RERE: variants seen among roughly 807,000 people sequenced by gnomAD.
The protein encoded by RERE is arginine-glutamic acid dipeptide repeats.
A neutral mutation model predicts 146.1 loss-of-function variants in RERE; 40 were observed. The observed-to-expected ratio is 0.27, with a 90% CI of 0.21 to 0.36. The LOEUF (loss-of-function observed/expected upper bound fraction) is 0.36, where lower values mean the gene tolerates loss of function less well. Among genes scored for constraint, RERE ranks in the 10% least tolerant of loss-of-function variants. RERE has a pLI of 1.00. For synonymous variants in RERE, 1,003 were observed against 866.0 expected, an observed-to-expected ratio of 1.16 and a Z score of -2.78; for missense variants, 1,933 against 2,138.7, an observed-to-expected ratio of 0.90 and a Z score of 1.90.
Position 8,737,450 on chromosome 1 carries a change from G to A in RERE, c.-145+79710C>T, listed in dbSNP as rs1455389841. Among the ~76,000 whole-genome samples, 3 of 152,178 alleles carry A rather than the reference G, an allele frequency of 2.0e-5. No individual in the cohort carries two copies. In the East Asian group the frequency reaches 5.8e-4, roughly 29 times the overall value. On this transcript the variant is annotated intron_variant, in intron 1 of 22. Transcript: ENST00000400908. ...TAAATCTCCAAAAATGTGAGTTATT[G>A]AGAGAAGAGTCATACAATTTTTAGG...
intron 15 of RERE, 142 bp from the exon 16 acceptor site, chr1:8,362,986 G>A (rs535285270): frequency 9.2e-6 from 8 of 867,020 alleles, no homozygotes; most frequent in South Asian, 5.2e-5. Flanking sequence ...ACAACAGGCC[G>A]CCCTGCCTGT....
At chr1:8,799,062 C>T (rs767513928) in intron 1 of RERE, among the ~76,000 whole-genome samples, 11 of 151,840 alleles carry the variant, frequency 7.2e-5, no homozygotes, top group South Asian at 2.1e-4. Flanking sequence ...TGGCAGACCT[C>T]GGCTCACTGC....
chr1:8,411,535 C>A (rs1465221274), intron 12 of RERE, among the ~76,000 whole-genome samples: 1 of 152,046 alleles, frequency 6.6e-6, no homozygotes, highest in Non-Finnish European at 1.5e-5. Context: ...GCTTCCCACC[C>A]ATCTCCCGTA....
intron 10 of RERE, among the ~76,000 whole-genome samples, chr1:8,472,317 T>A (rs913230972): frequency 6.6e-6 from 1 of 152,154 alleles, no homozygotes; most frequent in Admixed American, 6.5e-5. Flanking sequence ...GTGAAAAACA[T>A]TACGTAGATT....
intron 1 of RERE, among the ~76,000 whole-genome samples, chr1:8,695,768 A>G (rs1639316430): frequency 6.6e-6 from 1 of 152,062 alleles, no homozygotes; most frequent in South Asian, 2.1e-4. Context: ...TCAAAAAAAC[A>G]AAACTGTCAA....
At chr1:8,487,080 G>C (rs1390319597) in intron 10 of RERE, among the ~76,000 whole-genome samples, 6 of 152,116 alleles carry the variant, frequency 3.9e-5, no homozygotes, top group Admixed American at 3.9e-4. Context: ...AGTACGTAGT[G>C]ACCAAGCAGG....
chr1:8,742,826 C>T (rs1485079032), intron 1 of RERE, among the ~76,000 whole-genome samples: 2 of 150,300 alleles, frequency 1.3e-5, no homozygotes, highest in African/African-American at 4.9e-5. Context: ...TGTGATCATG[C>T]CACTACATTC....
intron 10 of RERE, among the ~76,000 whole-genome samples, chr1:8,483,519 A>G: frequency 6.6e-6 from 1 of 152,230 alleles, no homozygotes; most frequent in East Asian, 1.9e-4. Context: ...TCCTTAGAAT[A>G]GGGTTATCTG....
At chr1:8,386,930 C>G (rs1275124418) in intron 12 of RERE, among the ~76,000 whole-genome samples, 1 of 152,172 alleles carries the variant, frequency 6.6e-6, no homozygotes, top group African/African-American at 2.4e-5. Context: ...GGAACGTACT[C>G]AAATGGATTC....
chr1:8,734,915 T>C (rs1220767548), intron 1 of RERE, among the ~76,000 whole-genome samples: 1 of 152,194 alleles, frequency 6.6e-6, no homozygotes, highest in African/African-American at 2.4e-5. Context: ...TTCTCTGATT[T>C]CCCTTTTACT....
chr1:8,635,870 C>T (rs1647092104), intron 2 of RERE, among the ~76,000 whole-genome samples: 4 of 152,184 alleles, frequency 2.6e-5, no homozygotes, highest in Admixed American at 2.6e-4. Context: ...AAAACACTGT[C>T]CTTCCCTTGA....
intron 12 of RERE, among the ~76,000 whole-genome samples, chr1:8,420,858 G>A (rs1254170463): frequency 6.6e-6 from 1 of 152,164 alleles, no homozygotes; most frequent in Non-Finnish European, 1.5e-5. Context: ...CAAAAGGTTG[G>A]TGTACTGAGA....
At chr1:8,661,090 G>A (rs1371579901) in intron 1 of RERE, among the ~76,000 whole-genome samples, 1 of 152,200 alleles carries the variant, frequency 6.6e-6, no homozygotes, top group African/African-American at 2.4e-5. Flanking sequence ...GGGACACAGT[G>A]TTGCAGGACT....
intron 4 of RERE, among the ~76,000 whole-genome samples, chr1:8,574,916 G>T (rs1015076663): frequency 6.6e-6 from 1 of 152,130 alleles, no homozygotes; most frequent in Admixed American, 6.6e-5. Flanking sequence ...ATATATATTA[G>T]ACTTCAATTA....
chr1:8,371,385 C>A (rs1195795667), intron 12 of RERE, among the ~76,000 whole-genome samples: 1 of 152,100 alleles, frequency 6.6e-6, no homozygotes, highest in Admixed American at 6.5e-5. Flanking sequence ...CCATTAGGTT[C>A]CTTTAATTTC....
At chr1:8,556,292 T>A (rs1231143648) in intron 6 of RERE, among the ~76,000 whole-genome samples, 183 bp downstream of exon 6, 1 of 151,126 alleles carries the variant, frequency 6.6e-6, no homozygotes, top group Admixed American at 6.6e-5. Flanking sequence ...AAAGCTAGAT[T>A]AGTGAAGACA....
chr1:8,601,705 C>A (rs1282225569), intron 4 of RERE, among the ~76,000 whole-genome samples: 3 of 125,434 alleles, frequency 2.4e-5, no homozygotes, highest in Middle Eastern at 5.2e-3. Flanking sequence ...ATTGAGATAC[C>A]TTAATCCCAA....
intron 1 of RERE, among the ~76,000 whole-genome samples, chr1:8,771,555 T>C (rs879657314): frequency 3.3e-5 from 5 of 150,732 alleles, no homozygotes; most frequent in Non-Finnish European, 7.4e-5. Flanking sequence ...GGAACTTCTA[T>C]TTGCTAAATA....
At chr1:8,642,736 C>A (rs1647196528) in intron 2 of RERE, among the ~76,000 whole-genome samples, 1 of 152,108 alleles carries the variant, frequency 6.6e-6, no homozygotes, top group African/African-American at 2.4e-5. Flanking sequence ...AATTGAATAT[C>A]AATTTTTTTA....
Sources: gnomAD v4.1 joint callset for allele counts (sites outside exome capture counted in the v4.1 genomes callset) on GRCh38, gnomAD v4.1.1 for gene constraint, MANE v1.5 for transcripts, NCBI Gene and HGNC (gene_info 2026-07-23, HGNC 2026-07-21) for gene names.